Variants in PRKG1 observed in about 807,000 individuals in gnomAD.
The protein encoded by PRKG1 is cGMP-dependent protein kinase 1.
Under a neutral mutation model 88.1 loss-of-function variants are expected in PRKG1, and 35 were observed. The observed-to-expected ratio is 0.40, with a 90% CI of 0.30 to 0.53. The LOEUF is 0.53. Among genes scored for constraint, PRKG1 ranks in the 20% least tolerant of loss-of-function variants. PRKG1 has a pLI of 0.59. For synonymous variants in PRKG1, 303 were observed against 292.5 expected (o/e 1.04, Z -0.37); for missense variants, 540 against 839.8 (o/e 0.64, Z 4.41).
chr10:51,121,811 C>T (rs529709801), intron 1 of PRKG1, among the ~76,000 whole-genome samples: 1 of 152,232 alleles, frequency 6.6e-6, no homozygotes, highest in Non-Finnish European at 1.5e-5. Context: ...TCGTTGGATT[C>T]GTGAATGGTC....
intron 3 of PRKG1, among the ~76,000 whole-genome samples, chr10:51,604,756 C>G (rs963967638): frequency 2.0e-5 from 3 of 152,194 alleles, no homozygotes; most frequent in Non-Finnish European, 2.9e-5. Flanking sequence ...GGTGCAGAGG[C>G]CTTGGGGAGT....
rs1488711688 is a variant in PRKG1 at position 51,919,913 on chromosome 10, A to G, written c.762+12343A>G. Among the ~76,000 whole-genome samples, 2 of 152,174 alleles carry G rather than the reference A, an allele frequency of 1.3e-5. 1 individual carries two copies. The highest frequency in any genetic ancestry group is 2.9e-5 in the Non-Finnish European group (2 of 68,044). ...AATTATGCCTGGTACTTATTAAATA[A>G]ACAATAAATATTTGTTGAATCAGAA... On this transcript the variant is annotated intron_variant, in intron 5 of 17. Transcript: ENST00000373980.
intron 2 of PRKG1, among the ~76,000 whole-genome samples, chr10:51,326,904 G>T (rs1266771220): frequency 6.6e-6 from 1 of 152,148 alleles, no homozygotes; most frequent in Non-Finnish European, 1.5e-5. Flanking sequence ...TTATGCTTGG[G>T]AAACTGTTTT....
At chr10:51,404,936 T>C (rs1837863796) in intron 2 of PRKG1, among the ~76,000 whole-genome samples, 1 of 152,200 alleles carries the variant, frequency 6.6e-6, no homozygotes. Flanking sequence ...TTCTTACTCT[T>C]CTTGTTTCTT....
chr10:51,650,644 G>A (rs1164836417), intron 3 of PRKG1, among the ~76,000 whole-genome samples: 1 of 152,098 alleles, frequency 6.6e-6, no homozygotes, highest in Non-Finnish European at 1.5e-5. Context: ...GTGTTCCATG[G>A]GATATTGATG....
At chr10:51,424,191 G>C (rs1588944741) in intron 2 of PRKG1, among the ~76,000 whole-genome samples, 1 of 151,970 alleles carries the variant, frequency 6.6e-6, no homozygotes, top group South Asian at 2.1e-4. Context: ...TGTTATCCAG[G>C]GGTCACATAG....
chr10:51,070,336 T>C (rs1843809772), upstream of PRKG1, among the ~76,000 whole-genome samples: 2 of 152,172 alleles, frequency 1.3e-5, no homozygotes, highest in Non-Finnish European at 2.9e-5. Flanking sequence ...ATCTTGATTA[T>C]GATTAGCAAC....
At chr10:51,774,160 G>C (rs895581580) in intron 3 of PRKG1, among the ~76,000 whole-genome samples, 4 of 152,118 alleles carry the variant, frequency 2.6e-5, no homozygotes, top group African/African-American at 9.6e-5. Flanking sequence ...ACTACCTAGA[G>C]AGCTTAATTT....
chr10:51,201,308 C>T (rs928868389), intron 2 of PRKG1, among the ~76,000 whole-genome samples: 2 of 151,954 alleles, frequency 1.3e-5, no homozygotes, highest in South Asian at 2.1e-4. Context: ...ATAAGTTAGC[C>T]GGGCGTGGTG....
intron 3 of PRKG1, among the ~76,000 whole-genome samples, chr10:51,543,255 A>G (rs1276704235): frequency 1.3e-5 from 2 of 152,194 alleles, no homozygotes; most frequent in Non-Finnish European, 2.9e-5. Flanking sequence ...ATAAAACAAT[A>G]AAGAGTTTTA....
At chr10:52,174,938 T>C (rs1838821978) in intron 9 of PRKG1, among the ~76,000 whole-genome samples, 1 of 152,086 alleles carries the variant, frequency 6.6e-6, no homozygotes, top group Non-Finnish European at 1.5e-5. Context: ...TAATGTATAG[T>C]GATCTGATCA....
intron 3 of PRKG1, among the ~76,000 whole-genome samples, chr10:51,686,638 C>G (rs895331746): frequency 6.6e-6 from 1 of 152,196 alleles, no homozygotes; most frequent in African/African-American, 2.4e-5. Flanking sequence ...CATTTGTTTC[C>G]CCCATAGGCA....
At chr10:51,746,265 T>G (rs1198029988) in intron 3 of PRKG1, among the ~76,000 whole-genome samples, 1 of 151,874 alleles carries the variant, frequency 6.6e-6, no homozygotes, top group East Asian at 1.9e-4. Context: ...CCTGTGTAGA[T>G]GTTGTAAGCA....
At chr10:52,209,453 C>T (rs187907506) in intron 9 of PRKG1, among the ~76,000 whole-genome samples, 24 of 152,260 alleles carry the variant, frequency 1.6e-4, no homozygotes, top group African/African-American at 5.3e-4. Flanking sequence ...CTTGAGTTGT[C>T]TATTACCAAT....
At chr10:51,097,523 C>CT (rs968386583) in intron 1 of PRKG1, among the ~76,000 whole-genome samples, 4 of 151,950 alleles carry the variant, frequency 2.6e-5, no homozygotes, top group South Asian at 4.2e-4. Flanking sequence ...CACACTCTGC[C>CT]TTTTTTTTGC....
rs1259295867 is a variant in PRKG1, at chr10:52,294,239, G to T, written c.*339G>T. The stretch of plus-strand genomic sequence containing the variant: ...GGAAACACTTCAATGTAGTATAAGA[G>T]TCTGTACCTTGCTGGAATATTCAAG... On this transcript the variant is annotated 3_prime_UTR_variant, in exon 18 of 18. Transcript: ENST00000373980. 5.3e-6 allele frequency: 1 copy of T among 189,940 alleles called. No individual in the cohort carries two copies. The highest frequency in any genetic ancestry group is 1.1e-5 in the Non-Finnish European group (1 of 92,608). 11.8% of individuals were successfully genotyped at this position (189,940 alleles called of 1,614,324 possible). A position where few individuals can be genotyped will look rare whatever the true frequency, so the allele number is the denominator to read the frequency against.
At chr10:51,872,742 A>G (rs1564686832) in intron 4 of PRKG1, among the ~76,000 whole-genome samples, 1 of 152,024 alleles carries the variant, frequency 6.6e-6, no homozygotes, top group Non-Finnish European at 1.5e-5. Context: ...CCTCACAGCA[A>G]CTCTTGCACA....
intron 2 of PRKG1, among the ~76,000 whole-genome samples, chr10:51,324,712 G>C (rs1376541346): frequency 6.6e-6 from 1 of 152,194 alleles, no homozygotes; most frequent in African/African-American, 2.4e-5. Flanking sequence ...CTGCACTCCA[G>C]CCTGGGCGAC....
At chr10:52,099,333 A>C (rs1214652308) in intron 7 of PRKG1, among the ~76,000 whole-genome samples, 3 of 152,182 alleles carry the variant, frequency 2.0e-5, no homozygotes, top group Non-Finnish European at 4.4e-5. Context: ...CCTGAAAGAG[A>C]GTTACGATGA....
Sources: allele counts gnomAD v4.1 joint callset (sites outside exome capture counted in the v4.1 genomes callset), GRCh38; gene constraint gnomAD v4.1.1; transcripts MANE v1.5; gene names NCBI Gene and HGNC (gene_info 2026-07-23, HGNC 2026-07-21).